The following SPTBN4 variants were observed in gnomAD, a reference collection of about 807,000 sequenced individuals.
SPTBN4 encodes spectrin beta, non-erythrocytic 4, also known as spectrin beta chain, non-erythrocytic 4.
A neutral mutation model predicts 277.8 loss-of-function variants in SPTBN4; 96 were observed. That is an observed-to-expected ratio of 0.35 (90% confidence interval 0.29 to 0.41). The LOEUF is 0.41. Ranked by LOEUF, SPTBN4 falls within the 10% of genes least tolerant of loss-of-function variation. SPTBN4 has a pLI of 1.00. For missense variants in SPTBN4, 3,006 were observed against 3,595.7 expected (o/e 0.84, Z 4.19); for synonymous variants, 1,481 against 1,580.3 (o/e 0.94, Z 1.49).
intron 20 of SPTBN4, among the ~76,000 whole-genome samples, chr19:40,544,834 A>AT (rs201303094): frequency 7.4e-5 from 11 of 148,704 alleles, no homozygotes; most frequent in African/African-American, 7.4e-5. Flanking sequence ...TTTATTTTTT[A>AT]TTTTTTTTTA....
chr19:40,524,587 C>T, intron 17 of SPTBN4: 1 of 456,456 alleles, frequency 2.2e-6, no homozygotes, highest in Non-Finnish European at 4.4e-6. Context: ...TCCTTGGGAA[C>T]CCCCAGACCT....
intron 5 of SPTBN4, among the ~76,000 whole-genome samples, chr19:40,494,236 T>C (rs2080169539): frequency 6.6e-6 from 1 of 152,178 alleles, no homozygotes; most frequent in Admixed American, 6.6e-5. Context: ...TGGGGACTTT[T>C]GCCATCTGTT....
chr19:40,470,752 C>T (rs1450365631), intron 1 of SPTBN4, among the ~76,000 whole-genome samples: 1 of 152,028 alleles, frequency 6.6e-6, no homozygotes, highest in Non-Finnish European at 1.5e-5. Flanking sequence ...CCTCCCTCAG[C>T]CTCCTGAGTA....
In SPTBN4 at chr19:40,562,549, A is replaced by G. The variant is rs1053959702; in HGVS notation, c.5915+2146A>G. Among the ~76,000 whole-genome samples, 9 of 149,096 alleles carry G rather than the reference A, an allele frequency of 6.0e-5. No individual in the cohort carries two copies. The East Asian group carries it at 1.8e-3, about 30-fold the overall frequency. ...TGTGTCAAAAAAAAAAAAAAAAAAA[A>G]AAAGGCTGGGCACAGTGGCTCACAC... On this transcript the variant is annotated intron_variant, in intron 27 of 35. Transcript: ENST00000598249.
chr19:40,472,795 C>G lies in SPTBN4; in HGVS notation c.169+5C>G, dbSNP rs1027986976. ...CCCGGATCAAGGCCTTGGCAGGTACCTGGAGGAGGGCTGGGGTGGGATGAG... is the reference window on the plus strand; with the variant it reads ...CCCGGATCAAGGCCTTGGCAGGTACGTGGAGGAGGGCTGGGGTGGGATGAG... On this transcript the variant is annotated splice_donor_5th_base_variant and intron_variant, in intron 2 of 35. Transcript: ENST00000598249. The G allele has an allele frequency of 3.0e-6, 4 of 1,347,994 alleles. No individual in the cohort carries two copies. Among genetic ancestry groups the G allele is most frequent in the South Asian group, 1.2e-5 (1 of 81,916 alleles). 83.5% of individuals were successfully genotyped at this position (1,347,994 alleles called of 1,614,324 possible). A position where few individuals can be genotyped will look rare whatever the true frequency, so the allele number is the denominator to read the frequency against.
At chr19:40,540,171 C>T (rs1279331248) in intron 20 of SPTBN4, among the ~76,000 whole-genome samples, 1 of 152,054 alleles carries the variant, frequency 6.6e-6, no homozygotes, top group African/African-American at 2.4e-5. Context: ...AAGTGATCCG[C>T]CCGCCTCGGC....
At chr19:40,520,205 A>G in intron 16 of SPTBN4, 54 bp downstream of exon 16, 2 of 1,114,164 alleles carry the variant, frequency 1.8e-6, no homozygotes, top group South Asian at 2.7e-5. Flanking sequence ...CCGCGGGGGG[A>G]TTGCAGGGAC....
chr19:40,515,521 G>A lies in SPTBN4; in HGVS notation c.2903+73G>A, dbSNP rs1205920292. On this transcript the variant is annotated intron_variant, in intron 15 of 35. Transcript: ENST00000598249. The surrounding 1 kb of genome is among the most constrained non-coding windows in gnomAD (Gnocchi z 4.1). ...CTCACACAGCCATGGACAGCAAGATGTGCAATCTCAAACCCCTGGAATCAT... is the reference window on the plus strand; with the variant it reads ...CTCACACAGCCATGGACAGCAAGATATGCAATCTCAAACCCCTGGAATCAT... The A allele has an allele frequency of 2.1e-6, 3 of 1,416,102 alleles. No individual in the cohort carries two copies. The highest frequency in any genetic ancestry group is 3.0e-5 in the African/African-American group (2 of 67,724). 87.7% of individuals were successfully genotyped at this position (1,416,102 alleles called of 1,614,324 possible).
chr19:40,497,942 C>T (rs1338503658), intron 7 of SPTBN4, among the ~76,000 whole-genome samples: 5 of 151,754 alleles, frequency 3.3e-5, no homozygotes, highest in Admixed American at 2.6e-4. Context: ...AAACCAACTC[C>T]CACTCCCCTA....
intron 2 of SPTBN4, among the ~76,000 whole-genome samples, chr19:40,476,954 A>T (rs2079955455): frequency 6.7e-6 from 1 of 149,862 alleles, no homozygotes; most frequent in African/African-American, 2.5e-5. Flanking sequence ...CAGGTCTCAA[A>T]CTCCCGGTGT....
At position 40,567,965 on chromosome 19, in the gene SPTBN4, C is replaced by T. The variant is rs2081112876; in HGVS notation, c.6639C>T (p.Asp2213=). Residue 2213 remains aspartate, a synonymous_variant, in exon 31 of 36, where the codon GAC becomes GAT. Coordinates refer to ENST00000598249, the MANE Select transcript of SPTBN4 (RefSeq NM_020971.3). ...EPAALPAAPE[D]AAETPATPAA... ...CGGCCCTGCCGGCCGCACCAGAGGA[C>T]GCGGCGGAGACCCCCGCGACCCCCG... is the stretch of plus-strand genomic sequence containing the variant. The T allele has an allele frequency of 6.7e-7, 1 of 1,502,012 alleles. No individual in the cohort carries two copies. Among genetic ancestry groups the T allele is most frequent in the Non-Finnish European group, 8.8e-7 (1 of 1,131,574 alleles). 93.0% of individuals were successfully genotyped at this position (1,502,012 alleles called of 1,614,324 possible).
Position 40,554,665 on chromosome 19 carries a change from A to C in SPTBN4, c.5084+19A>C. 2.5e-6 allele frequency: 4 copies of C among 1,591,652 alleles called. No homozygotes were observed. Among genetic ancestry groups the C allele is most frequent in the Non-Finnish European group, 3.4e-6 (4 of 1,170,114 alleles). ...CGGACAGGTGGGCGGGCGCGTGGCCAGTTCACAGGAATGGTCCAGCAGGAC... is the reference window on the plus strand; with the variant it reads ...CGGACAGGTGGGCGGGCGCGTGGCCCGTTCACAGGAATGGTCCAGCAGGAC... On this transcript the variant is annotated intron_variant, in intron 24 of 35. Coordinates refer to ENST00000598249, the MANE Select transcript of SPTBN4 (RefSeq NM_020971.3). This position sits in a 1 kb window ranked among gnomAD's most constrained non-coding sequence, Gnocchi z 5.7.
rs201278756 is a variant in SPTBN4 at position 40,545,058 on chromosome 19, A to G, written c.4360-4131A>G. On this transcript the variant is annotated intron_variant, in intron 20 of 35. Coordinates refer to ENST00000598249, the MANE Select transcript of SPTBN4 (RefSeq NM_020971.3). ...TACAACTTTGTGCATCTGTGCCAGTATTTCTTTTTTTTCTTAAAAAAATTT... is the reference window on the plus strand; with the variant it reads ...TACAACTTTGTGCATCTGTGCCAGTGTTTCTTTTTTTTCTTAAAAAAATTT... Among the ~76,000 whole-genome samples, 13 of 151,700 alleles carry G rather than the reference A, an allele frequency of 8.6e-5. No individual in the cohort carries two copies. The East Asian group carries it at 2.5e-3, about 29-fold the overall frequency.
At position 40,506,220 on chromosome 19, in the gene SPTBN4, C is replaced by T; in HGVS notation, c.1666-16C>T. On this transcript the variant is annotated splice_polypyrimidine_tract_variant and intron_variant, in intron 12 of 35. Coordinates refer to ENST00000598249, the MANE Select transcript of SPTBN4 (RefSeq NM_020971.3). ...GGCAGTGCCAGAGGTGTGCTCAGTG[C>T]TGTCCCCGCTTGTAGGCTCAGCTGC... 1 of 1,603,656 alleles carries T rather than the reference C, an allele frequency of 6.2e-7. No homozygotes were observed. Among genetic ancestry groups the T allele is most frequent in the Non-Finnish European group, 8.5e-7 (1 of 1,174,322 alleles).
intron 20 of SPTBN4, among the ~76,000 whole-genome samples, chr19:40,542,599 A>G (rs1384240852): frequency 6.6e-6 from 1 of 151,318 alleles, no homozygotes; most frequent in Non-Finnish European, 1.5e-5. Flanking sequence ...CACTTTTTCC[A>G]GGCCCACCCC....
chr19:40,570,454 C>T lies in SPTBN4; in HGVS notation c.7045C>T (p.Arg2349Cys). Reference sequence around the variant, plus strand: ...CACACAGCCGTCGCTGCCTCAGCCACGCGAGCTTCCCCCAGGTCGCCTGCC... The same window carrying T: ...CACACAGCCGTCGCTGCCTCAGCCATGCGAGCTTCCCCCAGGTCGCCTGCC... ...LPAGPSLPQP[R>C]ELPPGRLPNG... The change falls in exon 33 of 36, where the codon CGC (arginine) becomes TGC (cysteine). Residue 2349 changes from arginine to cysteine, a missense_variant. Physicochemically the swap from Arg to Cys is radical, Grantham distance 180 (BLOSUM62 -3). Transcript: ENST00000598249. 6.4e-7 allele frequency: 1 copy of T among 1,566,590 alleles called. No individual in the cohort carries two copies. The highest frequency in any genetic ancestry group is 8.6e-7 in the Non-Finnish European group (1 of 1,165,182).
intron 18 of SPTBN4, among the ~76,000 whole-genome samples, chr19:40,529,442 C>G (rs1463312940): frequency 6.6e-6 from 1 of 152,182 alleles, no homozygotes; most frequent in African/African-American, 2.4e-5. Context: ...GTGAGAATCG[C>G]TCTACCCCAG....
intron 35 of SPTBN4, among the ~76,000 whole-genome samples, chr19:40,573,906 C>T (rs2081177279): frequency 1.3e-5 from 2 of 152,078 alleles, no homozygotes; most frequent in African/African-American, 4.8e-5. Context: ...TCGAGACCAT[C>T]CTGGCTGACA....
intron 7 of SPTBN4, among the ~76,000 whole-genome samples, chr19:40,501,186 T>C (rs2080259420): frequency 6.6e-6 from 1 of 151,000 alleles, no homozygotes; most frequent in African/African-American, 2.4e-5. Flanking sequence ...TGCAGTGAGC[T>C]ATGATTGCAC....
Sources: allele counts gnomAD v4.1 joint callset (sites outside exome capture counted in the v4.1 genomes callset), GRCh38; gene constraint gnomAD v4.1.1; non-coding constraint Gnocchi (gnomAD v3.1); transcripts MANE v1.5; gene names NCBI Gene and HGNC (gene_info 2026-07-23, HGNC 2026-07-21).